The following B4GALT1 variants were observed in gnomAD, a reference collection of about 807,000 sequenced individuals.
B4GALT1 encodes the protein beta-1,4-galactosyltransferase 1.
Under a neutral mutation model 34.9 loss-of-function variants are expected in B4GALT1, and 16 were observed. That is an observed-to-expected ratio of 0.46 (90% confidence interval 0.31 to 0.70). The LOEUF is 0.70. Ranked by LOEUF, B4GALT1 falls within the 30% of genes least tolerant of loss-of-function variation. The probability of loss-of-function intolerance (pLI) is 0.05; values close to 1 mark genes in which losing one functional copy is unlikely to be tolerated. For missense variants in B4GALT1, 445 were observed against 530.5 expected (o/e 0.84, Z 1.58); for synonymous variants, 221 against 218.1 (o/e 1.01, Z -0.12).
intron 1 of B4GALT1, among the ~76,000 whole-genome samples, chr9:33,143,636 G>C (rs1178953953): frequency 6.6e-6 from 1 of 152,206 alleles, no homozygotes; most frequent in Non-Finnish European, 1.5e-5. Context: ...AAGCACTGTA[G>C]GTAACTGCAA....
Position 33,111,693 on chromosome 9 carries a change from G to A in B4GALT1, c.*1761C>T, listed in dbSNP as rs1031154035. On this transcript the variant is annotated 3_prime_UTR_variant, in exon 6 of 6. Transcript: ENST00000379731. ...AGGGCAGTGGTTTGGGGTCCGCCAC[G>A]AGCACAAGGCTCAACCCTGGGATTA... The A allele has an allele frequency of 2.6e-5, 4 of 152,696 alleles. No individual in the cohort carries two copies. Among genetic ancestry groups the A allele is most frequent in the Non-Finnish European group, 5.9e-5 (4 of 68,086 alleles). 9.5% of individuals were successfully genotyped at this position (152,696 alleles called of 1,614,324 possible). A position where few individuals can be genotyped will look rare whatever the true frequency, so the allele number is the denominator to read the frequency against.
chr9:33,139,045 C>T (rs530564556), intron 1 of B4GALT1, among the ~76,000 whole-genome samples: 24 of 152,246 alleles, frequency 1.6e-4, no homozygotes, highest in African/African-American at 5.3e-4. Context: ...CCACAGAAGC[C>T]GATCGAGCAC....
At chr9:33,183,382 C>G in the B4GALT1 span, among the ~76,000 whole-genome samples, 1 of 148,928 alleles carries the variant, frequency 6.7e-6, no homozygotes, top group Non-Finnish European at 1.5e-5. Context: ...TTGGAACCAA[C>G]CCAAATGTCC....
chr9:33,184,960 T>C, the B4GALT1 span, among the ~76,000 whole-genome samples: 1 of 152,134 alleles, frequency 6.6e-6, no homozygotes. Flanking sequence ...AGGAAACATA[T>C]ATGATAGAGA....
intron 1 of B4GALT1, 67 bp from the exon 2 acceptor site, chr9:33,135,491 C>A (rs999322762): frequency 6.8e-7 from 1 of 1,480,008 alleles, no homozygotes; most frequent in African/African-American, 1.4e-5. Context: ...CAGGCTGCAT[C>A]AGATGGCCAG....
intron 1 of B4GALT1, among the ~76,000 whole-genome samples, chr9:33,158,033 A>C (rs1346663165): frequency 2.0e-5 from 3 of 152,212 alleles, no homozygotes; most frequent in African/African-American, 7.2e-5. Flanking sequence ...GCTTAGACAG[A>C]CATGATGAAA....
chr9:33,182,850 T>A, the B4GALT1 span, among the ~76,000 whole-genome samples: 1 of 152,130 alleles, frequency 6.6e-6, no homozygotes, highest in Non-Finnish European at 1.5e-5. Flanking sequence ...TGGAAAATTT[T>A]AAAAATATAC....
chr9:33,149,836 C>T (rs2118239318), intron 1 of B4GALT1, among the ~76,000 whole-genome samples: 1 of 152,264 alleles, frequency 6.6e-6, no homozygotes, highest in South Asian at 2.1e-4. Flanking sequence ...AAATAACTGG[C>T]CTGTACTCTT....
At chr9:33,108,186 C>T (rs1252762305), downstream of B4GALT1, among the ~76,000 whole-genome samples, 1 of 152,144 alleles carries the variant, frequency 6.6e-6, no homozygotes, top group Non-Finnish European at 1.5e-5. Flanking sequence ...CATAACAGCC[C>T]TATGAAATAG....
At chr9:33,129,929 C>T (rs1039858906) in intron 2 of B4GALT1, among the ~76,000 whole-genome samples, 1 of 152,084 alleles carries the variant, frequency 6.6e-6, no homozygotes, top group African/African-American at 2.4e-5. Context: ...GTCAGGGTCT[C>T]GGATGCTAAG....
At chr9:33,143,114 T>C (rs1840377359) in intron 1 of B4GALT1, among the ~76,000 whole-genome samples, 1 of 152,114 alleles carries the variant, frequency 6.6e-6, no homozygotes, top group Non-Finnish European at 1.5e-5. Flanking sequence ...CACTGCACTC[T>C]AGCCTGGGCA....
At chr9:33,153,086 T>C (rs1229076527) in intron 1 of B4GALT1, among the ~76,000 whole-genome samples, 1 of 152,032 alleles carries the variant, frequency 6.6e-6, no homozygotes, top group Non-Finnish European at 1.5e-5. Context: ...ACGTGAAAAT[T>C]TGCTTAACTT....
chr9:33,136,233 GA>G (rs1174353718), intron 1 of B4GALT1, among the ~76,000 whole-genome samples: 13 of 152,328 alleles, frequency 8.5e-5, no homozygotes, highest in African/African-American at 3.1e-4. Context: ...ATGCAGATGA[GA>G]TAAGTAAGTT....
chr9:33,167,455 C>G, upstream of B4GALT1: 1 of 127,618 alleles, frequency 7.8e-6, no homozygotes, highest in Non-Finnish European at 1.7e-5. Flanking sequence ...CAGCCCGTGG[C>G]GGGATGGGCG....
At chr9:33,142,738 G>T (rs1278613432) in intron 1 of B4GALT1, among the ~76,000 whole-genome samples, 1 of 152,124 alleles carries the variant, frequency 6.6e-6, no homozygotes, top group Non-Finnish European at 1.5e-5. Context: ...TGGGACTGCA[G>T]TGCATGCTAC....
At chr9:33,104,711 T>G in exon 3 of B4GALT1, 1 of 454,418 alleles carries the variant, frequency 2.2e-6, no homozygotes, top group South Asian at 1.6e-5. Context: ...CTAACCACCA[T>G]GCGCTGCCAC....
chr9:33,173,161 T>C, the B4GALT1 span, among the ~76,000 whole-genome samples: 1 of 152,172 alleles, frequency 6.6e-6, no homozygotes, highest in Non-Finnish European at 1.5e-5. Context: ...CCCAGCACTT[T>C]GGGAGTCCAA....
chr9:33,119,282 C>G (rs1451812076), intron 3 of B4GALT1, among the ~76,000 whole-genome samples: 1 of 152,198 alleles, frequency 6.6e-6, no homozygotes, highest in East Asian at 1.9e-4. Flanking sequence ...CCATTTTCCA[C>G]CAATGACAAT....
At position 33,167,061 on chromosome 9, in the gene B4GALT1, T is replaced by A; in HGVS notation, c.109A>T (p.Thr37Ser). The change falls in exon 1 of 6, where the codon ACC becomes TCC. Residue 37 changes from threonine to serine, a missense_variant. Physicochemically the swap from Thr to Ser is moderately conservative, Grantham distance 58. Coordinates refer to ENST00000379731, the MANE Select transcript of B4GALT1 (RefSeq NM_001497.4). ...CGGCCAGCCAGGTAGTAAACGAGGG[T>A]GACGCCAAGGTGCAGAGCGCAGACG... ...VAVCALHLGVTLVYYLAGRDL... is the reference protein window; with the variant it reads ...VAVCALHLGVSLVYYLAGRDL... 6.2e-7 allele frequency: 1 copy of A among 1,602,248 alleles called. No individual in the cohort carries two copies. The highest frequency in any genetic ancestry group is 8.5e-7 in the Non-Finnish European group (1 of 1,178,830).
Sources: gnomAD v4.1 joint callset for allele counts (sites outside exome capture counted in the v4.1 genomes callset) on GRCh38, gnomAD v4.1.1 for gene constraint, MANE v1.5 for transcripts, NCBI Gene and HGNC (gene_info 2026-07-23, HGNC 2026-07-21) for gene names.